Variants in MASP1 observed in about 807,000 individuals in gnomAD.
MASP1 encodes the protein MBL associated serine protease 1, also known as mannan-binding lectin serine protease 1.
Under a neutral mutation model 77.1 loss-of-function variants are expected in MASP1, and 59 were observed. That is an observed-to-expected ratio of 0.77 (90% CI 0.62 to 0.95). The LOEUF (loss-of-function observed/expected upper bound fraction) is 0.95. Among genes scored for constraint, MASP1 ranks in the 40% least tolerant of loss-of-function variants. MASP1 has a pLI of 0.00. For missense variants in MASP1, 885 were observed against 912.9 expected (o/e 0.97, Z 0.39); for synonymous variants, 362 against 354.5 (o/e 1.02, Z -0.24).
chr3:187,256,058 T>C (rs1715047424), intron 5 of MASP1, among the ~76,000 whole-genome samples: 1 of 152,156 alleles, frequency 6.6e-6, no homozygotes, highest in Non-Finnish European at 1.5e-5. Flanking sequence ...ATGGCTCAAA[T>C]TCAGGCTGCC....
chr3:187,231,666 G>C (rs1351139695), downstream of MASP1, among the ~76,000 whole-genome samples: 1 of 152,252 alleles, frequency 6.6e-6, no homozygotes, highest in African/African-American at 2.4e-5. Flanking sequence ...GCTGTGCACT[G>C]TGGCTCCCAA....
intron 12 of MASP1, chr3:187,226,103 A>G: frequency 2.1e-5 from 9 of 419,246 alleles, no homozygotes; most frequent in South Asian, 1.7e-4. Context: ...TCTGGATCGT[A>G]TATGTATGAT....
chr3:187,254,623 G>A (rs1714917057), intron 5 of MASP1, among the ~76,000 whole-genome samples: 1 of 152,166 alleles, frequency 6.6e-6, no homozygotes, highest in Non-Finnish European at 1.5e-5. Context: ...CAATGCTATG[G>A]GAGAATAGAT....
At chr3:187,239,904 T>C (rs1305193388) in intron 10 of MASP1, among the ~76,000 whole-genome samples, 1 of 152,144 alleles carries the variant, frequency 6.6e-6, no homozygotes, top group Non-Finnish European at 1.5e-5. Context: ...CCTGTGATGG[T>C]CAAAACCTGA....
At chr3:187,241,622 A>T (rs987880285) in intron 9 of MASP1, 67 bp from the exon 10 acceptor site, 1 of 1,041,126 alleles carries the variant, frequency 9.6e-7, no homozygotes, top group Non-Finnish European at 1.5e-6. Context: ...TGGAAAATAG[A>T]TCTGGGTATT....
chr3:187,236,574 G>A lies in MASP1; in HGVS notation c.1304-7C>T. 1 of 1,613,830 alleles carries A rather than the reference G, an allele frequency of 6.2e-7. No homozygotes were observed. ...CGGGAGGGCTGACCACACTCTGTAAGGAGAAAGAGGGAGCAGGGACAAGAG... is the reference window on the plus strand; with the variant it reads ...CGGGAGGGCTGACCACACTCTGTAAAGAGAAAGAGGGAGCAGGGACAAGAG... On this transcript the variant is annotated splice_region_variant and splice_polypyrimidine_tract_variant and intron_variant, in intron 10 of 10. Coordinates refer to ENST00000296280, the MANE Select transcript of MASP1 (RefSeq NM_139125.4).
In MASP1 at chr3:187,235,112, A is replaced by G; in HGVS notation, c.*572T>C. ...TTTTGGGAGAGAAACCCCAGGCATG[A>G]AGGTGCTCCAAGGGATCACACTAAG... On this transcript the variant is annotated 3_prime_UTR_variant, in exon 11 of 11. Transcript: ENST00000296280. 1 of 1,287,346 alleles carries G rather than the reference A, an allele frequency of 7.8e-7. No individual in the cohort carries two copies. 79.7% of individuals were successfully genotyped at this position (1,287,346 alleles called of 1,614,324 possible).
Position 187,235,771 on chromosome 3 carries a change from G to A in MASP1, c.2100C>T (p.Val700=). ...EECGSKQVYG[V]YTKVSNYVDW... ...CCACGTAATTGGAGACCTTTGTGTA[G>A]ACTCCATAGACCTGCTTGCTGCCGC... The change falls in exon 11 of 11, where the codon GTC becomes GTT. Residue 700 remains valine, a synonymous_variant. Coordinates refer to ENST00000296280, the MANE Select transcript of MASP1 (RefSeq NM_139125.4). 2 of 1,614,150 alleles carry A rather than the reference G, an allele frequency of 1.2e-6. No individual in the cohort carries two copies. Among genetic ancestry groups the A allele is most frequent in the Non-Finnish European group, 1.7e-6 (2 of 1,180,036 alleles).
intron 8 of MASP1, chr3:187,244,155 A>C (rs1579499544): frequency 6.1e-6 from 1 of 165,268 alleles, no homozygotes. Context: ...ACACAGCCCC[A>C]CCCTGCTGCC....
intron 7 of MASP1, 37 bp downstream of exon 7, chr3:187,251,597 G>T: frequency 1.3e-6 from 2 of 1,562,524 alleles, no homozygotes; most frequent in South Asian, 1.1e-5. Context: ...AGTTTCTGTG[G>T]CCTGGTCACT....
Position 187,251,627 on chromosome 3 carries a change from T to G in MASP1, c.1011+7A>C, listed in dbSNP as rs1197879001. ...GTCACTCCCCTTTCCCAGGCAAGGC[T>G]CTGCACCTTCAGCACTTTGTAGCCT... On this transcript the variant is annotated splice_region_variant and intron_variant, in intron 7 of 10. Coordinates refer to ENST00000296280, the MANE Select transcript of MASP1 (RefSeq NM_139125.4). 6.2e-7 allele frequency: 1 copy of G among 1,612,466 alleles called. No individual in the cohort carries two copies. The highest frequency in any genetic ancestry group is 1.3e-5 in the African/African-American group (1 of 74,862).
intron 7 of MASP1, among the ~76,000 whole-genome samples, chr3:187,250,641 C>T (rs1463149410): frequency 1.3e-5 from 2 of 152,216 alleles, no homozygotes; most frequent in African/African-American, 2.4e-5. Context: ...AAGCGGTCAG[C>T]ATCTCCTAGA....
At chr3:187,268,624 G>C (rs1716257389) in intron 2 of MASP1, among the ~76,000 whole-genome samples, 1 of 152,218 alleles carries the variant, frequency 6.6e-6, no homozygotes, top group African/African-American at 2.4e-5. Flanking sequence ...GAGATCTCTA[G>C]ACAGAATGTT....
In MASP1 at chr3:187,236,437, G is replaced by T. The variant is rs531275884; in HGVS notation, c.1434C>A (p.Asp478Glu). Reference protein sequence around the residue: ...VVEDTSRVPNDKWFGSGALLS... With the variant: ...VVEDTSRVPNEKWFGSGALLS... Reference sequence around the variant, plus strand: ...GCAGGGCCCCACTCCCAAACCACTTGTCATTTGGCACTCTCGAAGTGTCCT... The same window carrying T: ...GCAGGGCCCCACTCCCAAACCACTTTTCATTTGGCACTCTCGAAGTGTCCT... The change falls in exon 11 of 11, where the codon GAC becomes GAA. Residue 478 changes from aspartate (D) to glutamate (E), a missense_variant. Physicochemically the swap from Asp to Glu is conservative, Grantham distance 45. Coordinates refer to ENST00000296280, the MANE Select transcript of MASP1 (RefSeq NM_139125.4). 1 of 1,614,078 alleles carries T rather than the reference G, an allele frequency of 6.2e-7. No individual in the cohort carries two copies. The highest frequency in any genetic ancestry group is 8.5e-7 in the Non-Finnish European group (1 of 1,180,042).
chr3:187,236,090 C>T lies in MASP1; in HGVS notation c.1781G>A (p.Gly594Asp), dbSNP rs1464261842. The T allele has an allele frequency of 1.8e-5, 29 of 1,613,808 alleles. No individual in the cohort carries two copies. The highest frequency in any genetic ancestry group is 2.5e-5 in the Non-Finnish European group (29 of 1,180,046). Residue 594 changes from glycine (G) to aspartate (D), a missense_variant, in exon 11 of 11, where the codon GGC becomes GAC. Physicochemically the swap from Gly to Asp is moderately conservative, Grantham distance 94. Coordinates refer to ENST00000296280, the MANE Select transcript of MASP1 (RefSeq NM_139125.4). Reference sequence around the variant, plus strand: ...CACTGTCACATTGGGATTGGAGATGCCCCAGCCGGCCACCAGGCCCAGCAT... The same window carrying T: ...CACTGTCACATTGGGATTGGAGATGTCCCAGCCGGCCACCAGGCCCAGCAT... Reference protein sequence around the residue: ...PHMLGLVAGWGISNPNVTVDE... With the variant: ...PHMLGLVAGWDISNPNVTVDE...
At chr3:187,246,708 G>A in intron 8 of MASP1, 1 of 987,266 alleles carries the variant, frequency 1.0e-6, no homozygotes, top group Non-Finnish European at 1.2e-6. Context: ...CGAATTTTAA[G>A]AAACATAGAA....
At position 187,221,282 on chromosome 3, in the gene MASP1, G is replaced by C. The variant is rs1029364777; in HGVS notation, c.1810-148C>G. 3 of 685,992 alleles carry C rather than the reference G, an allele frequency of 4.4e-6. No homozygotes were observed. The African/African-American group carries it at 5.3e-5, about 12-fold the overall frequency. 42.5% of individuals were successfully genotyped at this position (685,992 alleles called of 1,614,324 possible). ...ATCTAAGAGACTGCCCCATGCTACA[G>C]GTGAAGGAACAGTTGAATGGAGAAT... On this transcript the variant is annotated intron_variant, in intron 14 of 15. Coordinates refer to the MASP1 transcript ENST00000337774.
chr3:187,262,542 C>T lies in MASP1; in HGVS notation c.415+1G>A. 3.1e-6 allele frequency: 5 copies of T among 1,613,998 alleles called. No homozygotes were observed. The highest frequency in any genetic ancestry group is 4.2e-6 in the Non-Finnish European group (5 of 1,179,946). On this transcript the variant is annotated splice_donor_variant, in intron 3 of 10. Coordinates refer to ENST00000296280, the MANE Select transcript of MASP1 (RefSeq NM_139125.4). LOFTEE classifies it high-confidence loss of function. ...GAGGATGAGTCACTTCTCCAACTTA[C>T]CCACAGCCATGTAGTGGGCATCAAA...
At chr3:187,237,997 C>G (rs1713317898) in intron 10 of MASP1, among the ~76,000 whole-genome samples, 1 of 152,212 alleles carries the variant, frequency 6.6e-6, no homozygotes, top group Non-Finnish European at 1.5e-5. Flanking sequence ...GTGAACTGGT[C>G]TTTGTAACTC....
Sources: allele counts gnomAD v4.1 joint callset (sites outside exome capture counted in the v4.1 genomes callset), GRCh38; gene constraint gnomAD v4.1.1; transcripts MANE v1.5; gene names NCBI Gene and HGNC (gene_info 2026-07-23, HGNC 2026-07-21).